The following PALLD variants were observed in gnomAD, a reference collection of about 807,000 sequenced individuals.
The protein encoded by PALLD is palladin, cytoskeletal associated protein, also known as palladin.
In PALLD, 61 loss-of-function variants were observed where a neutral mutation model predicts 123.5. The ratio of observed to expected loss-of-function variants is 0.49; its 90% confidence interval spans 0.40 to 0.61. The LOEUF is 0.61. PALLD is among the 20% of genes least tolerant of loss of function. PALLD has a pLI of 0.00. For synonymous variants in PALLD, 465 were observed against 496.4 expected, an observed-to-expected ratio of 0.94 and a Z score of 0.84; for missense variants, 1,273 against 1,377.0, an observed-to-expected ratio of 0.92 and a Z score of 1.20.
intron 15 of PALLD, among the ~76,000 whole-genome samples, chr4:168,906,273 C>A (rs1490792054): frequency 6.6e-6 from 1 of 152,134 alleles, no homozygotes; most frequent in Non-Finnish European, 1.5e-5. Context: ...TTGGAATAAG[C>A]CATTTTATAG....
intron 2 of PALLD, among the ~76,000 whole-genome samples, chr4:168,517,550 T>C (rs182461702): frequency 6.6e-6 from 1 of 152,304 alleles, no homozygotes. Flanking sequence ...GGATTAGCCA[T>C]ATCAAATCTA....
chr4:168,702,451 G>T (rs1016711702), intron 8 of PALLD, among the ~76,000 whole-genome samples: 8 of 152,206 alleles, frequency 5.3e-5, no homozygotes, highest in African/African-American at 1.4e-4. Flanking sequence ...CTACTTGGGA[G>T]GCTGAGGCAG....
intron 2 of PALLD, among the ~76,000 whole-genome samples, chr4:168,516,461 A>AT (rs1241026845): frequency 6.6e-6 from 1 of 152,110 alleles, no homozygotes; most frequent in African/African-American, 2.4e-5. Flanking sequence ...TTTTAAAGGT[A>AT]TTTATTTATT....
intron 8 of PALLD, among the ~76,000 whole-genome samples, chr4:168,692,557 G>T (rs1264684948): frequency 1.3e-5 from 2 of 152,158 alleles, no homozygotes; most frequent in Non-Finnish European, 2.9e-5. Flanking sequence ...GAATCCTGTA[G>T]GGAGTTAGGG....
intron 2 of PALLD, among the ~76,000 whole-genome samples, chr4:168,518,543 T>C (rs1471108169): frequency 6.6e-6 from 1 of 152,174 alleles, no homozygotes; most frequent in African/African-American, 2.4e-5. Context: ...GGCTTGTTCT[T>C]GTCTGGGGCC....
intron 10 of PALLD, among the ~76,000 whole-genome samples, chr4:168,826,657 T>TGCAAAAACAAAATTAAAAG (rs1398681282): frequency 1.3e-5 from 2 of 152,170 alleles, no homozygotes; most frequent in African/African-American, 4.8e-5. Flanking sequence ...TACTGTGTTT[T>TGCAAAAACAAAATTAAAAG]GCAAAAACAA....
intron 2 of PALLD, among the ~76,000 whole-genome samples, chr4:168,649,174 T>G (rs1026575532): frequency 1.3e-5 from 2 of 152,240 alleles, no homozygotes; most frequent in Non-Finnish European, 2.9e-5. Context: ...CTGCATGCGC[T>G]CATTTATAAT....
intron 10 of PALLD, among the ~76,000 whole-genome samples, chr4:168,748,336 TA>T (rs1730586921): frequency 6.6e-6 from 1 of 152,178 alleles, no homozygotes; most frequent in Non-Finnish European, 1.5e-5. Context: ...TGTATGTATT[TA>T]AACAAGTCCA....
intron 2 of PALLD, among the ~76,000 whole-genome samples, chr4:168,534,633 A>G (rs551265350): frequency 2.6e-5 from 4 of 152,284 alleles, no homozygotes; most frequent in African/African-American, 9.6e-5. Flanking sequence ...CTTCCACTGA[A>G]CACATTTTCT....
intron 18 of PALLD, 106 bp from the exon 19 acceptor site, chr4:168,924,149 G>T (rs978894075): frequency 9.3e-6 from 9 of 964,086 alleles, no homozygotes; most frequent in Middle Eastern, 3.0e-4. Flanking sequence ...AGTAAAAAAT[G>T]GTATCATAAA....
chr4:168,923,386 G>C (rs561142937), intron 18 of PALLD, among the ~76,000 whole-genome samples: 1 of 152,204 alleles, frequency 6.6e-6, no homozygotes, highest in South Asian at 2.1e-4. Flanking sequence ...CTCCAGATGA[G>C]GGAGTAGTGG....
intron 10 of PALLD, among the ~76,000 whole-genome samples, chr4:168,732,871 C>T (rs57661007): frequency 0.024 from 3,592 of 152,250 alleles, 120 homozygotes; most frequent in African/African-American, 0.072. Context: ...TTAACCAGAA[C>T]ATGATCATGT....
intron 2 of PALLD, among the ~76,000 whole-genome samples, chr4:168,567,359 G>A (rs114956068): frequency 3.3e-5 from 5 of 151,714 alleles, no homozygotes; most frequent in Non-Finnish European, 7.4e-5. Context: ...AGTAGACAAA[G>A]GAATCAACAG....
intron 8 of PALLD, among the ~76,000 whole-genome samples, chr4:168,706,567 T>A (rs947831946): frequency 6.6e-6 from 1 of 152,148 alleles, no homozygotes; most frequent in African/African-American, 2.4e-5. Flanking sequence ...CACAGAAGAA[T>A]CCTTGCATTT....
intron 10 of PALLD, among the ~76,000 whole-genome samples, chr4:168,808,487 C>T (rs1740566961): frequency 6.6e-6 from 1 of 151,866 alleles, no homozygotes; most frequent in African/African-American, 2.4e-5. Context: ...CTCAAAAAAA[C>T]AAAACAAAAC....
At chr4:168,714,832 C>T (rs1785186157) in intron 10 of PALLD, among the ~76,000 whole-genome samples, 1 of 150,244 alleles carries the variant, frequency 6.7e-6, no homozygotes, top group Admixed American at 6.7e-5. Context: ...TGTCAGATGT[C>T]TGGGGGAAAG....
intron 10 of PALLD, among the ~76,000 whole-genome samples, chr4:168,881,215 T>G (rs958453926): frequency 3.3e-5 from 5 of 152,194 alleles, no homozygotes; most frequent in African/African-American, 1.2e-4. Flanking sequence ...TCTCTTAGTT[T>G]GCTTAATCAT....
intron 1 of PALLD, among the ~76,000 whole-genome samples, chr4:168,498,294 G>T (rs941029279): frequency 1.3e-5 from 2 of 152,114 alleles, no homozygotes; most frequent in African/African-American, 4.8e-5. Flanking sequence ...ATGGATTAGG[G>T]TCTGTATCCC....
intron 10 of PALLD, among the ~76,000 whole-genome samples, chr4:168,799,634 A>C (rs1376798917): frequency 6.6e-6 from 1 of 152,224 alleles, no homozygotes; most frequent in African/African-American, 2.4e-5. Flanking sequence ...TAAGTAACCA[A>C]GATTTTTGTG....
Sources: gnomAD v4.1 joint callset for allele counts (sites outside exome capture counted in the v4.1 genomes callset) on GRCh38, gnomAD v4.1.1 for gene constraint, MANE v1.5 for transcripts, NCBI Gene and HGNC (gene_info 2026-07-23, HGNC 2026-07-21) for gene names.